The following PTPRM variants were observed in gnomAD, a reference collection of about 807,000 sequenced individuals.
The protein encoded by PTPRM is protein tyrosine phosphatase receptor type M, also known as receptor-type tyrosine-protein phosphatase mu.
PTPRM carries 47 observed loss-of-function variants against 186.7 expected under a neutral mutation model. That is an observed-to-expected ratio of 0.25 (90% CI 0.20 to 0.32). PTPRM has a LOEUF of 0.32. PTPRM is among the 10% of genes least tolerant of loss of function. The probability of loss-of-function intolerance (pLI) is 1.00; values close to 1 mark genes in which losing one functional copy is unlikely to be tolerated. For missense variants in PTPRM, 1,494 were observed against 1,865.0 expected, an observed-to-expected ratio of 0.80 and a Z score of 3.66; for synonymous variants, 668 against 674.9, an observed-to-expected ratio of 0.99 and a Z score of 0.16.
intron 7 of PTPRM, among the ~76,000 whole-genome samples, chr18:8,039,664 T>C (rs897978209): frequency 6.6e-6 from 1 of 152,186 alleles, no homozygotes. Context: ...TTTTTTGTAG[T>C]GAGAATACTT....
chr18:8,362,243 C>T (rs2095601534), intron 23 of PTPRM, among the ~76,000 whole-genome samples: 1 of 152,226 alleles, frequency 6.6e-6, no homozygotes, highest in Non-Finnish European at 1.5e-5. Context: ...TAGTTCGCAC[C>T]TTGCACTTAG....
chr18:8,121,752 C>A (rs2092182494), intron 13 of PTPRM: 1 of 152,112 alleles, frequency 6.6e-6, no homozygotes. Context: ...GTGTAATATT[C>A]TTCTTTACAA....
chr18:8,185,060 T>G (rs1438496400), intron 14 of PTPRM, among the ~76,000 whole-genome samples: 1 of 152,186 alleles, frequency 6.6e-6, no homozygotes, highest in East Asian at 1.9e-4. Context: ...TTGAGATATA[T>G]TAACAGCAAA....
At chr18:8,168,579 C>A (rs932565423) in intron 14 of PTPRM, among the ~76,000 whole-genome samples, 9 of 152,136 alleles carry the variant, frequency 5.9e-5, no homozygotes, top group African/African-American at 1.9e-4. Context: ...GTTCCATATT[C>A]ACTTTTCTTA....
In PTPRM at chr18:8,378,281, T is replaced by C. The variant is rs544915685; in HGVS notation, c.3479T>C (p.Ile1160Thr). 17 of 1,612,200 alleles carry C rather than the reference T, an allele frequency of 1.1e-5. No individual in the cohort carries two copies. In the Admixed American group the frequency reaches 2.7e-4, roughly 25 times the overall value. ...MVQTEEQYVF[I>T]HDAILEACLC... ...CTTCTCCAGGAGCAGTATGTGTTTA[T>C]CCACGATGCGATCCTGGAAGCCTGT... The change falls in exon 27 of 33, where the codon ATC (isoleucine) becomes ACC (threonine). Residue 1160 changes from isoleucine to threonine, a missense_variant. Physicochemically the swap from Ile to Thr is moderately conservative, Grantham distance 89. Transcript: ENST00000580170.
chr18:8,314,018 A>G (rs1392700361), intron 20 of PTPRM, among the ~76,000 whole-genome samples: 1 of 152,180 alleles, frequency 6.6e-6, no homozygotes, highest in Non-Finnish European at 1.5e-5. Flanking sequence ...AAAATACAAT[A>G]TACATTTTCA....
In PTPRM at chr18:7,584,536, G is replaced by A. The variant is rs541789671; in HGVS notation, c.73+16645G>A. The stretch of plus-strand genomic sequence containing the variant: ...CTTTTTGGCTACCTAAAATAAAGAC[G>A]AAGATCAGTGAGAAATTGTGATTGT... On this transcript the variant is annotated intron_variant, in intron 1 of 32. Coordinates refer to ENST00000580170, the MANE Select transcript of PTPRM (RefSeq NM_001105244.2). 5.3e-5 allele frequency among the ~76,000 whole-genome samples: 8 copies of A among 152,090 alleles called. No homozygotes were observed. The East Asian group carries it at 1.2e-3, about 22-fold the overall frequency.
chr18:7,854,739 T>G (rs1158569922), intron 2 of PTPRM, among the ~76,000 whole-genome samples: 2 of 151,946 alleles, frequency 1.3e-5, no homozygotes, highest in Non-Finnish European at 2.9e-5. Context: ...GAGTTTTTTT[T>G]TTTTTTTTTT....
chr18:8,307,213 G>A (rs1026277742), intron 20 of PTPRM, among the ~76,000 whole-genome samples: 7 of 152,178 alleles, frequency 4.6e-5, no homozygotes, highest in African/African-American at 1.4e-4. Context: ...GAGTGATGGT[G>A]ATACTTACCT....
At chr18:8,387,406 G>T (rs2095782580) in intron 31 of PTPRM, among the ~76,000 whole-genome samples, 171 bp downstream of exon 31, 1 of 151,866 alleles carries the variant, frequency 6.6e-6, no homozygotes, top group South Asian at 2.1e-4. Context: ...CAGGAAACAG[G>T]ATATGCACAT....
Position 7,705,310 on chromosome 18 carries a change from T to TCTAG in PTPRM, c.74-68836_74-68835insGCTA, listed in dbSNP as rs1393901651. Among the ~76,000 whole-genome samples the TCTAG allele has an allele frequency of 2.0e-5, 3 of 151,732 alleles. No individual in the cohort carries two copies. In the East Asian group the frequency reaches 5.8e-4, roughly 29 times the overall value. On this transcript the variant is annotated intron_variant, in intron 1 of 32. Transcript: ENST00000580170. ...ATCTATCTATCTATCTATCTATCTA[T>TCTAG]CTATCTATCTATCTATCTGTCTATC...
At chr18:7,947,808 T>C (rs1007131294) in intron 5 of PTPRM, among the ~76,000 whole-genome samples, 1 of 152,184 alleles carries the variant, frequency 6.6e-6, no homozygotes, top group African/African-American at 2.4e-5. Flanking sequence ...GGGTTTCTGC[T>C]AGCCAGCTCA....
chr18:8,245,886 C>A, intron 15 of PTPRM, among the ~76,000 whole-genome samples: 1 of 152,186 alleles, frequency 6.6e-6, no homozygotes, highest in East Asian at 1.9e-4. Context: ...TTTAATTTGG[C>A]AGTTACTTTT....
chr18:7,879,326 A>G (rs1391366765), intron 2 of PTPRM, among the ~76,000 whole-genome samples: 2 of 152,204 alleles, frequency 1.3e-5, no homozygotes. Context: ...GTTGTTACTT[A>G]TGTAACTGTT....
chr18:7,712,216 C>G (rs948911726), intron 1 of PTPRM, among the ~76,000 whole-genome samples: 1 of 152,150 alleles, frequency 6.6e-6, no homozygotes, highest in South Asian at 2.1e-4. Context: ...CCAGGCAAAA[C>G]AGGGTCTGGA....
At chr18:8,290,137 C>A (rs2095026253) in intron 19 of PTPRM, among the ~76,000 whole-genome samples, 1 of 152,156 alleles carries the variant, frequency 6.6e-6, no homozygotes, top group African/African-American at 2.4e-5. Context: ...TGCTTCGAAG[C>A]ACCAGAAGAG....
At chr18:7,808,076 T>C (rs1398139394) in intron 2 of PTPRM, among the ~76,000 whole-genome samples, 1 of 152,174 alleles carries the variant, frequency 6.6e-6, no homozygotes, top group African/African-American at 2.4e-5. Flanking sequence ...ACCCTGGTGG[T>C]TGTGAGCGAT....
chr18:7,830,580 A>G (rs372820406), intron 2 of PTPRM, among the ~76,000 whole-genome samples: 13 of 152,202 alleles, frequency 8.5e-5, no homozygotes, highest in African/African-American at 3.1e-4. Context: ...GTCGTTAGGC[A>G]GTACATGACT....
intron 22 of PTPRM, among the ~76,000 whole-genome samples, chr18:8,324,760 A>G (rs879848955): frequency 1.3e-5 from 2 of 152,230 alleles, no homozygotes; most frequent in African/African-American, 4.8e-5. Context: ...GAAAGGAGAC[A>G]AAGAAACTTG....
Sources: allele counts gnomAD v4.1 joint callset (sites outside exome capture counted in the v4.1 genomes callset), GRCh38; gene constraint gnomAD v4.1.1; transcripts MANE v1.5; gene names NCBI Gene and HGNC (gene_info 2026-07-23, HGNC 2026-07-21).